The following CPNE1 variants were observed in gnomAD, a reference collection of about 807,000 sequenced individuals.
CPNE1 encodes the protein copine-1.
In CPNE1, 58 loss-of-function variants were observed where a neutral mutation model predicts 63.2. The ratio of observed to expected loss-of-function variants is 0.92; its 90% CI spans 0.74 to 1.14. The LOEUF is 1.14. CPNE1 is among the 50% of genes most tolerant of loss of function. CPNE1 has a pLI of 0.00. For missense variants in CPNE1, 672 were observed against 661.7 expected, an observed-to-expected ratio of 1.02 and a Z score of -0.17; for synonymous variants, 237 against 249.0, an observed-to-expected ratio of 0.95 and a Z score of 0.45.
At chr20:35,644,502 G>A (rs1250143617) in intron 1 of CPNE1, among the ~76,000 whole-genome samples, 1 of 152,106 alleles carries the variant, frequency 6.6e-6, no homozygotes, top group Non-Finnish European at 1.5e-5. Context: ...CGAATGGCTA[G>A]GTTCATACAA....
At chr20:35,655,215 T>A in intron 1 of CPNE1, 1 of 1,614,032 alleles carries the variant, frequency 6.2e-7, no homozygotes, top group Non-Finnish European at 8.5e-7. Flanking sequence ...GTTCACCCCC[T>A]ACAATATGCA....
At chr20:35,631,387 T>G in intron 8 of CPNE1, 33 bp from the exon 9 acceptor site, 1 of 1,610,556 alleles carries the variant, frequency 6.2e-7, no homozygotes, top group Non-Finnish European at 8.5e-7. Flanking sequence ...GGTAGGAAAT[T>G]CTCAGAGCAT....
At chr20:35,653,383 G>A (rs752149633) in intron 1 of CPNE1, 14 of 1,614,084 alleles carry the variant, frequency 8.7e-6, no homozygotes, top group Non-Finnish European at 1.1e-5. Flanking sequence ...TGGAACTGCA[G>A]GATTACCTGG....
At position 35,642,443 on chromosome 20, in the gene CPNE1, C is replaced by T. The variant is rs2032865639; in HGVS notation, c.1-9520G>A. Among the ~76,000 whole-genome samples the T allele has an allele frequency of 2.0e-5, 3 of 152,330 alleles. No individual in the cohort carries two copies. In the South Asian group the frequency reaches 6.2e-4, roughly 32 times the overall value. The stretch of plus-strand genomic sequence containing the variant: ...TATTGCCTACCTTGGCATGCTGGAT[C>T]AGCTCACAGATGCAGGATCAAGTCT... On this transcript the variant is annotated intron_variant, in intron 1 of 15. Coordinates refer to ENST00000397443, the MANE Select transcript of CPNE1 (RefSeq NM_152925.3).
At chr20:35,628,047 T>C (rs573246710) in intron 13 of CPNE1, among the ~76,000 whole-genome samples, 5 of 152,122 alleles carry the variant, frequency 3.3e-5, no homozygotes, top group South Asian at 2.1e-4. Flanking sequence ...TTTGGGAGGC[T>C]GAGGCGGGCG....
intron 1 of CPNE1, among the ~76,000 whole-genome samples, chr20:35,661,526 G>A (rs1601498307): frequency 1.3e-5 from 2 of 152,192 alleles, no homozygotes; most frequent in East Asian, 3.8e-4. Context: ...TACTTCAGAA[G>A]ATCTAAAACA....
intron 1 of CPNE1, among the ~76,000 whole-genome samples, chr20:35,634,783 G>A (rs1488438036): frequency 6.6e-6 from 1 of 151,932 alleles, no homozygotes; most frequent in South Asian, 2.1e-4. Flanking sequence ...CTGTCACCCA[G>A]GCTGAAGTGC....
chr20:35,637,655 C>T (rs531921993), intron 1 of CPNE1, among the ~76,000 whole-genome samples: 4 of 152,244 alleles, frequency 2.6e-5, no homozygotes, highest in Middle Eastern at 3.4e-3. Flanking sequence ...AGTGTTTCTG[C>T]GACCATACAC....
intron 13 of CPNE1, among the ~76,000 whole-genome samples, chr20:35,628,571 G>T (rs1414024026): frequency 1.3e-5 from 2 of 152,142 alleles, no homozygotes; most frequent in African/African-American, 2.4e-5. Context: ...TGTACAACCT[G>T]AATCTAATCC....
chr20:35,657,083 C>T (rs945014628), intron 1 of CPNE1, among the ~76,000 whole-genome samples: 1 of 152,082 alleles, frequency 6.6e-6, no homozygotes, highest in African/African-American at 2.4e-5. Flanking sequence ...GACACATACA[C>T]AAAAATAAAA....
At chr20:35,633,035 C>T (rs563066896) in intron 1 of CPNE1, 112 bp from the exon 2 acceptor site, 121 of 739,106 alleles carry the variant, frequency 1.6e-4, no homozygotes, top group Middle Eastern at 4.0e-4. Flanking sequence ...GCTGAGCATA[C>T]GTCCACCCCC....
intron 1 of CPNE1, among the ~76,000 whole-genome samples, chr20:35,637,483 A>C (rs189492192): frequency 6.6e-6 from 1 of 152,042 alleles, no homozygotes; most frequent in East Asian, 1.9e-4. Flanking sequence ...TAGTCATCCA[A>C]AGTTATTTCT....
chr20:35,635,121 C>A (rs77693596), intron 1 of CPNE1, among the ~76,000 whole-genome samples: 1 of 151,980 alleles, frequency 6.6e-6, no homozygotes, highest in Non-Finnish European at 1.5e-5. Flanking sequence ...ACATGGCTCA[C>A]TGCTCCCTTT....
intron 1 of CPNE1, among the ~76,000 whole-genome samples, chr20:35,662,029 T>C (rs1173822646): frequency 6.6e-6 from 1 of 152,180 alleles, no homozygotes; most frequent in African/African-American, 2.4e-5. Context: ...AGCCACTTGA[T>C]TTTGTTCCCC....
chr20:35,652,784 C>A, intron 1 of CPNE1: 2 of 1,610,618 alleles, frequency 1.2e-6, no homozygotes, highest in Non-Finnish European at 1.7e-6. Flanking sequence ...GAACTAGATG[C>A]AAAGCCAGGG....
intron 1 of CPNE1, among the ~76,000 whole-genome samples, chr20:35,642,818 T>A (rs1394517075): frequency 2.0e-5 from 3 of 152,196 alleles, no homozygotes; most frequent in African/African-American, 7.2e-5. Context: ...TTGGTTTAGA[T>A]CCATATACTA....
At chr20:35,648,771 C>A (rs1378484706) in intron 1 of CPNE1, among the ~76,000 whole-genome samples, 1 of 152,200 alleles carries the variant, frequency 6.6e-6, no homozygotes, top group East Asian at 1.9e-4. Context: ...TCTCTTGACA[C>A]TTCAGCATTA....
chr20:35,655,423 AC>A, intron 1 of CPNE1: 1 of 1,229,878 alleles, frequency 8.1e-7, no homozygotes, highest in Non-Finnish European at 1.1e-6. Flanking sequence ...ATGACCAGCT[AC>A]CATATTAGGC....
chr20:35,633,957 C>T (rs1370787018), intron 1 of CPNE1, among the ~76,000 whole-genome samples: 64 of 86,820 alleles, frequency 7.4e-4, no homozygotes, highest in African/African-American at 2.9e-3. Context: ...AAGATTCCGT[C>T]TCAAAAAAAA....
Sources: allele counts gnomAD v4.1 joint callset (sites outside exome capture counted in the v4.1 genomes callset), GRCh38; gene constraint gnomAD v4.1.1; transcripts MANE v1.5; gene names NCBI Gene and HGNC (gene_info 2026-07-23, HGNC 2026-07-21).